The following TULP4 variants were observed in gnomAD, a reference collection of about 807,000 sequenced individuals.
The protein encoded by TULP4 is TUB like protein 4.
Under a neutral mutation model 129.0 loss-of-function variants are expected in TULP4, and 16 were observed. The observed-to-expected ratio is 0.12, with a 90% CI of 0.08 to 0.19. The LOEUF is 0.19. TULP4 is among the 10% of genes least tolerant of loss of function. TULP4 has a pLI of 1.00. For missense variants in TULP4, 1,842 were observed against 2,059.1 expected (o/e 0.89, Z 2.04); for synonymous variants, 998 against 854.0 (o/e 1.17, Z -2.94).
upstream of TULP4, chr6:158,310,308 G>T (rs2096164): frequency 0.87 from 127,940 of 147,704 alleles, 55,822 homozygotes; most frequent in Admixed American, 0.92. Flanking sequence ...AGAGGTGGGA[G>T]GTGCTACACT....
chr6:158,466,365 T>C lies in TULP4; in HGVS notation c.1026+4636T>C, dbSNP rs774782740. Among the ~76,000 whole-genome samples the C allele has an allele frequency of 5.3e-4, 80 of 152,272 alleles. 1 individual carries two copies. Among genetic ancestry groups the C allele is most frequent in the African/African-American group, 1.8e-3 (74 of 41,562 alleles). ...TAGTTTTTCCACATCCTTGCCAACA[T>C]TGTCATTTTTCTGGGATTTTTTTTG... is the stretch of plus-strand genomic sequence containing the variant. On this transcript the variant is annotated intron_variant, in intron 6 of 13. Transcript: ENST00000367097.
At chr6:158,376,396 T>C (rs1424656927) in intron 1 of TULP4, among the ~76,000 whole-genome samples, 1 of 152,154 alleles carries the variant, frequency 6.6e-6, no homozygotes, top group Admixed American at 6.5e-5. Flanking sequence ...GCCTCTCTCT[T>C]TGTGGCCGAT....
At chr6:158,440,317 CAAAAAAAA>C (rs34200003) in intron 3 of TULP4, among the ~76,000 whole-genome samples, 16 of 86,002 alleles carry the variant, frequency 1.9e-4, no homozygotes, top group African/African-American at 6.8e-4. Context: ...GTCCCTGTCT[CAAAAAAAA>C]AAAAAAAAAA....
Position 158,503,367 on chromosome 6 carries a change from T to C in TULP4, c.3704T>C (p.Leu1235Pro). 5 of 1,613,718 alleles carry C rather than the reference T, an allele frequency of 3.1e-6. No individual in the cohort carries two copies. Among genetic ancestry groups the C allele is most frequent in the South Asian group, 1.1e-5 (1 of 91,072 alleles). ...VVLQPLYPPS[L>P]SYCTLPPMYP... ...CTTCAGCCGCTGTACCCACCCAGCC[T>C]CTCCTATTGCACCCTGCCCCCCATG... Residue 1235 changes from leucine to proline, a missense_variant, in exon 13 of 14, where the codon CTC becomes CCC. Coordinates refer to ENST00000367097, the MANE Select transcript of TULP4 (RefSeq NM_020245.5). The surrounding 1 kb of genome is among the most constrained non-coding windows in gnomAD (Gnocchi z 4.3).
chr6:158,432,757 C>T (rs1778660129), intron 3 of TULP4, among the ~76,000 whole-genome samples: 3 of 152,140 alleles, frequency 2.0e-5, no homozygotes, highest in Admixed American at 2.0e-4. Context: ...GCTGTTTTGC[C>T]AACTTTCTAT....
At chr6:158,296,785 C>T (rs1044096280) in intron 1 of TULP4, among the ~76,000 whole-genome samples, 1 of 152,066 alleles carries the variant, frequency 6.6e-6, no homozygotes, top group Non-Finnish European at 1.5e-5. Context: ...GCCTCAAAAC[C>T]AACAAGTTTT....
intron 1 of TULP4, among the ~76,000 whole-genome samples, chr6:158,325,554 G>T (rs1477790361): frequency 6.6e-6 from 1 of 151,784 alleles, no homozygotes; most frequent in Admixed American, 6.6e-5. Context: ...GGATTTCACC[G>T]TGTTAGCCAG....
Position 158,284,857 on chromosome 6 carries a change from T to C in TULP4, n.116+2479T>C, listed in dbSNP as rs528049682. ...AACTTGCCCGAGGTGTGAGCCTCGGTTTCCTTGCCTGTGGAATGGGGATGA... is the reference window on the plus strand; with the variant it reads ...AACTTGCCCGAGGTGTGAGCCTCGGCTTCCTTGCCTGTGGAATGGGGATGA... On this transcript the variant is annotated intron_variant and non_coding_transcript_variant, in intron 1 of 1. Transcript: ENST00000432358. Among the ~76,000 whole-genome samples, 237 of 152,316 alleles carry C rather than the reference T, an allele frequency of 1.6e-3. 1 individual carries two copies. Among genetic ancestry groups the C allele is most frequent in the Middle Eastern group, 3.4e-3 (1 of 294 alleles).
chr6:158,497,908 C>G (rs1190877445), intron 11 of TULP4, among the ~76,000 whole-genome samples: 2 of 152,210 alleles, frequency 1.3e-5, no homozygotes, highest in African/African-American at 4.8e-5. Flanking sequence ...ACAGGAGAGA[C>G]TATTGAACAC....
chr6:158,400,788 C>T (rs1777824628), intron 1 of TULP4, among the ~76,000 whole-genome samples: 1 of 152,100 alleles, frequency 6.6e-6, no homozygotes, highest in South Asian at 2.1e-4. Flanking sequence ...TGCAACAGAG[C>T]TCAGTAAGCT....
intron 1 of TULP4, among the ~76,000 whole-genome samples, chr6:158,288,608 C>G (rs866099408): frequency 4.5e-4 from 69 of 152,176 alleles, no homozygotes; most frequent in African/African-American, 1.4e-3. Context: ...TCACGCCATT[C>G]TCCTGCCTCA....
At chr6:158,261,024 G>A (rs914863353) in intron 1 of TULP4, among the ~76,000 whole-genome samples, 4 of 151,908 alleles carry the variant, frequency 2.6e-5, no homozygotes, top group African/African-American at 9.7e-5. Context: ...GTTTCACCAT[G>A]GCCAGGCTGG....
intron 6 of TULP4, among the ~76,000 whole-genome samples, chr6:158,474,591 TGC>T (rs1779772797): frequency 1.3e-5 from 2 of 152,222 alleles, no homozygotes; most frequent in African/African-American, 4.8e-5. Context: ...CCCTTGCTGT[TGC>T]TCTGGCTCTC....
chr6:158,491,912 G>A (rs963114272), intron 9 of TULP4, among the ~76,000 whole-genome samples: 4 of 151,906 alleles, frequency 2.6e-5, no homozygotes, highest in African/African-American at 9.7e-5. Context: ...AGGCTGGAGT[G>A]CAGTGGCGTG....
At position 158,362,482 on chromosome 6, in the gene TULP4, C is replaced by T. The variant is rs201594834; in HGVS notation, c.252+48214C>T. Among the ~76,000 whole-genome samples, 42 of 152,102 alleles carry T rather than the reference C, an allele frequency of 2.8e-4. No individual in the cohort carries two copies. The East Asian group carries it at 4.1e-3, about 15-fold the overall frequency. On this transcript the variant is annotated intron_variant, in intron 1 of 13. Coordinates refer to ENST00000367097, the MANE Select transcript of TULP4 (RefSeq NM_020245.5). ...CTCCCGCCTCAGCTTCTCAAGTAGC[C>T]GGCACTACAGGTGTGTGCTCCCATG...
intron 1 of TULP4, among the ~76,000 whole-genome samples, chr6:158,384,687 A>C (rs2114925471): frequency 6.6e-6 from 1 of 152,280 alleles, no homozygotes; most frequent in South Asian, 2.1e-4. Flanking sequence ...CAGCTGTCTA[A>C]ATTGGGTTTG....
intron 1 of TULP4, among the ~76,000 whole-genome samples, chr6:158,350,594 A>G (rs1485392497): frequency 6.6e-6 from 1 of 152,042 alleles, no homozygotes; most frequent in Non-Finnish European, 1.5e-5. Context: ...GAATGGTGGC[A>G]TGTGCCTGGA....
At chr6:158,378,076 C>T (rs981540130) in intron 1 of TULP4, among the ~76,000 whole-genome samples, 1 of 152,220 alleles carries the variant, frequency 6.6e-6, no homozygotes, top group East Asian at 1.9e-4. Flanking sequence ...AGTAGGCTAG[C>T]CTGGGCTTGC....
chr6:158,502,749 G>A lies in TULP4; in HGVS notation c.3086G>A (p.Arg1029Gln), dbSNP rs548116504. The A allele has an allele frequency of 2.7e-5, 43 of 1,587,920 alleles. No individual in the cohort carries two copies. Among genetic ancestry groups the A allele is most frequent in the African/African-American group, 6.7e-5 (5 of 74,630 alleles). ...GGGGTGGTGACACAGCTCCCAGCGCGGCCCCCACCTGCCCTGTACACCTGC... is the reference window on the plus strand; with the variant it reads ...GGGGTGGTGACACAGCTCCCAGCGCAGCCCCCACCTGCCCTGTACACCTGC... ...PGGVVTQLPA[R>Q]PPPALYTCSQ... The change falls in exon 13 of 14, where the codon CGG becomes CAG. Residue 1029 changes from arginine to glutamine, a missense_variant. Physicochemically the swap from Arg to Gln is conservative, Grantham distance 43. Coordinates refer to ENST00000367097, the MANE Select transcript of TULP4 (RefSeq NM_020245.5).
Sources: gnomAD v4.1 joint callset for allele counts (sites outside exome capture counted in the v4.1 genomes callset) on GRCh38, gnomAD v4.1.1 for gene constraint, Gnocchi (gnomAD v3.1) non-coding constraint, MANE v1.5 for transcripts, NCBI Gene and HGNC (gene_info 2026-07-23, HGNC 2026-07-21) for gene names.